The following PTPRN2 variants were observed in gnomAD, a reference collection of about 807,000 sequenced individuals.
PTPRN2 encodes protein tyrosine phosphatase receptor type N2.
In PTPRN2, 74 loss-of-function variants were observed where a neutral mutation model predicts 118.8. The ratio of observed to expected loss-of-function variants is 0.62; its 90% CI spans 0.52 to 0.76. The LOEUF (loss-of-function observed/expected upper bound fraction) is 0.76, where lower values mean the gene tolerates loss of function less well. Ranked by LOEUF, PTPRN2 falls within the 30% of genes least tolerant of loss-of-function variation. The pLI, the probability that PTPRN2 is intolerant of heterozygous loss-of-function variation, is 0.00. For missense variants in PTPRN2, 1,481 were observed against 1,394.4 expected, an observed-to-expected ratio of 1.06 and a Z score of -0.99; for synonymous variants, 641 against 608.0, an observed-to-expected ratio of 1.05 and a Z score of -0.80.
chr7:158,044,269 C>T (rs540962010), intron 11 of PTPRN2, among the ~76,000 whole-genome samples: 2 of 152,174 alleles, frequency 1.3e-5, no homozygotes, highest in Non-Finnish European at 2.9e-5. Context: ...CTGGGGAGCT[C>T]ACCTCTGGAG....
chr7:157,999,497 C>T (rs915468138), intron 11 of PTPRN2, among the ~76,000 whole-genome samples: 1 of 152,194 alleles, frequency 6.6e-6, no homozygotes, highest in Non-Finnish European at 1.5e-5. Context: ...ACTTACCCTG[C>T]GTTTTCCACC....
Position 158,336,519 on chromosome 7 carries a change from A to C in PTPRN2, c.164-19587T>G, listed in dbSNP as rs1805566959. Among the ~76,000 whole-genome samples, 2 of 123,294 alleles carry C rather than the reference A, an allele frequency of 1.6e-5. 1 individual carries two copies. Among genetic ancestry groups the C allele is most frequent in the Non-Finnish European group, 3.5e-5 (2 of 57,528 alleles). 80.9% of individuals were successfully genotyped at this position (123,294 alleles called of 152,430 possible). A position where few individuals can be genotyped will look rare whatever the true frequency, so the allele number is the denominator to read the frequency against. On this transcript the variant is annotated intron_variant, in intron 2 of 22. Transcript: ENST00000389418. ...AGATGTCACTCACACCCACACTCTC[A>C]CCATAAGAGGTGAAACCTGCCGACG... is the stretch of plus-strand genomic sequence containing the variant.
chr7:158,078,403 T>G (rs1812543188), intron 11 of PTPRN2, among the ~76,000 whole-genome samples: 1 of 152,226 alleles, frequency 6.6e-6, no homozygotes, highest in Non-Finnish European at 1.5e-5. Flanking sequence ...TTCTGTATGT[T>G]GGTAACACAG....
In PTPRN2 at chr7:158,529,552, T is replaced by C. The variant is rs912842906; in HGVS notation, c.113-39767A>G. ...ACCACAGAGTGCTCTGTATTAGATA[T>C]TTTGTGCATTTTTGACCAAAATGAG... is the stretch of plus-strand genomic sequence containing the variant. On this transcript the variant is annotated intron_variant, in intron 1 of 22. Transcript: ENST00000389418. This position sits in a 1 kb window ranked among gnomAD's most constrained non-coding sequence, Gnocchi z 4.7. Among the ~76,000 whole-genome samples the C allele has an allele frequency of 2.0e-5, 3 of 152,220 alleles. No homozygotes were observed. The highest frequency in any genetic ancestry group is 4.8e-5 in the African/African-American group (2 of 41,454).
intron 12 of PTPRN2, among the ~76,000 whole-genome samples, chr7:157,705,087 C>T (rs1217214730): frequency 1.3e-5 from 2 of 151,902 alleles, no homozygotes; most frequent in Admixed American, 6.6e-5. Flanking sequence ...GGGCGGATCA[C>T]GAGGTCAGGA....
intron 1 of PTPRN2, among the ~76,000 whole-genome samples, chr7:158,538,909 C>T (rs1455131339): frequency 6.6e-6 from 1 of 152,182 alleles, no homozygotes; most frequent in East Asian, 1.9e-4. Flanking sequence ...CACAGGTGGG[C>T]AGGGGGTGGT....
intron 12 of PTPRN2, among the ~76,000 whole-genome samples, chr7:157,685,528 TC>T (rs1797143817): frequency 6.6e-6 from 1 of 151,904 alleles, no homozygotes. Context: ...CCGCGGTCAC[TC>T]GGGCCAGGTG....
At chr7:158,497,404 G>T (rs1473715481) in intron 1 of PTPRN2, among the ~76,000 whole-genome samples, 1 of 151,308 alleles carries the variant, frequency 6.6e-6, no homozygotes. Flanking sequence ...CAATTCTGAG[G>T]CTTTCAATCA....
chr7:158,268,003 C>T (rs920911264), intron 3 of PTPRN2, among the ~76,000 whole-genome samples: 4 of 152,194 alleles, frequency 2.6e-5, no homozygotes, highest in African/African-American at 7.2e-5. Flanking sequence ...CACAGAGATG[C>T]TGCCCCAGTG....
chr7:158,107,629 T>C (rs1188274437), intron 10 of PTPRN2, among the ~76,000 whole-genome samples: 2 of 152,014 alleles, frequency 1.3e-5, no homozygotes, highest in Non-Finnish European at 2.9e-5. Flanking sequence ...ACTGTGTAGA[T>C]CAACACACAC....
chr7:157,742,594 G>A (rs775975342), intron 12 of PTPRN2, among the ~76,000 whole-genome samples: 9 of 152,000 alleles, frequency 5.9e-5, no homozygotes, highest in Non-Finnish European at 8.8e-5. Context: ...CTGCAGATGC[G>A]TGTACCCCAC....
intron 12 of PTPRN2, among the ~76,000 whole-genome samples, chr7:157,754,841 C>T (rs539614125): frequency 2.0e-5 from 3 of 152,342 alleles, no homozygotes; most frequent in Non-Finnish European, 2.9e-5. Context: ...GAACACTCTG[C>T]AGCGGGGTGT....
chr7:157,710,422 C>T (rs562670155), intron 12 of PTPRN2, among the ~76,000 whole-genome samples: 1 of 152,224 alleles, frequency 6.6e-6, no homozygotes, highest in Non-Finnish European at 1.5e-5. Flanking sequence ...AGGTGGCCAA[C>T]ACAGTGAGAC....
At chr7:158,334,521 G>A (rs373021668) in intron 2 of PTPRN2, among the ~76,000 whole-genome samples, 61 of 101,746 alleles carry the variant, frequency 6.0e-4, no homozygotes, top group African/African-American at 1.4e-3. Context: ...CATAAGAGGT[G>A]ACACCTGCAG....
chr7:158,243,922 C>G lies in PTPRN2; in HGVS notation c.278-38649G>C, dbSNP rs148812546. On this transcript the variant is annotated intron_variant, in intron 3 of 22. Coordinates refer to ENST00000389418, the MANE Select transcript of PTPRN2 (RefSeq NM_002847.5). ...TACAAACTACCTCCTAAGTAGCAGT[C>G]TTTGCTTAGTTCTAAGTACTGCTAA... 6.7e-4 allele frequency among the ~76,000 whole-genome samples: 102 copies of G among 152,290 alleles called. 3 individuals carry two copies. In the East Asian group the frequency reaches 0.016, roughly 24 times the overall value.
chr7:158,449,322 AG>A (rs1817938123), intron 2 of PTPRN2, among the ~76,000 whole-genome samples: 1 of 152,226 alleles, frequency 6.6e-6, no homozygotes, highest in African/African-American at 2.4e-5. Context: ...AGGGCAGGTG[AG>A]GGTGGTCGGC....
intron 11 of PTPRN2, among the ~76,000 whole-genome samples, chr7:157,946,088 A>C (rs752244159): frequency 2.6e-5 from 4 of 152,166 alleles, no homozygotes; most frequent in Non-Finnish European, 4.4e-5. Flanking sequence ...CCTGGTTTCA[A>C]ACTTCTCTTT....
intron 1 of PTPRN2, among the ~76,000 whole-genome samples, chr7:158,524,487 AGTCTGCCCTGGAGTGGAGTC>A (rs1396729945): frequency 9.6e-6 from 1 of 104,326 alleles, no homozygotes; most frequent in African/African-American, 4.4e-5. Flanking sequence ...CCTGGAGCGG[AGTCTGCCCTGGAGTGGAGTC>A]GTCTGCCCTG....
chr7:157,689,589 C>A (rs953366703), intron 12 of PTPRN2, among the ~76,000 whole-genome samples: 1 of 152,234 alleles, frequency 6.6e-6, no homozygotes, highest in Non-Finnish European at 1.5e-5. Context: ...TTCCCTGGAG[C>A]AACGCTTCTC....
Sources: gnomAD v4.1 joint callset for allele counts (sites outside exome capture counted in the v4.1 genomes callset) on GRCh38, gnomAD v4.1.1 for gene constraint, Gnocchi (gnomAD v3.1) non-coding constraint, MANE v1.5 for transcripts, NCBI Gene and HGNC (gene_info 2026-07-23, HGNC 2026-07-21) for gene names.